The following RASSF4 variants were observed in gnomAD, a reference collection of about 807,000 sequenced individuals.
RASSF4 encodes the protein Ras association domain family member 4.
Under a neutral mutation model 41.1 loss-of-function variants are expected in RASSF4, and 38 were observed. That is an observed-to-expected ratio of 0.92 (90% CI 0.71 to 1.21). RASSF4 has a LOEUF of 1.21. Among genes scored for constraint, RASSF4 ranks in the 50% most tolerant of loss-of-function variants. RASSF4 has a pLI of 0.00. For missense variants in RASSF4, 414 were observed against 419.4 expected, an observed-to-expected ratio of 0.99 and a Z score of 0.11; for synonymous variants, 179 against 163.4, an observed-to-expected ratio of 1.10 and a Z score of -0.73.
rs775627286 is a variant in RASSF4 at position 44,977,891 on chromosome 10, A to G, written c.139-4630A>G. 5 of 1,612,478 alleles carry G rather than the reference A, an allele frequency of 3.1e-6. No individual in the cohort carries two copies. The Admixed American group carries it at 8.3e-5, about 27-fold the overall frequency. On this transcript the variant is annotated intron_variant, in intron 3 of 10. Coordinates refer to ENST00000340258, the MANE Select transcript of RASSF4 (RefSeq NM_032023.4). ...GTCCAGCACAGAGGTGGGCTGTGCC[A>G]GTCGAGATATAGACCTCACGTAGTC...
At chr10:44,993,003 G>A (rs537230489) in intron 10 of RASSF4, among the ~76,000 whole-genome samples, 15 of 152,296 alleles carry the variant, frequency 9.8e-5, no homozygotes, top group Admixed American at 2.0e-4. Flanking sequence ...CTGCTCTACC[G>A]CCCTGTCCAC....
intron 6 of RASSF4, among the ~76,000 whole-genome samples, chr10:44,986,735 G>C (rs1344874792): frequency 6.6e-6 from 1 of 152,166 alleles, no homozygotes; most frequent in Non-Finnish European, 1.5e-5. Flanking sequence ...TGAGTCAGAG[G>C]CAACAATTGA....
chr10:44,962,948 G>A lies in RASSF4; in HGVS notation c.-39+3082G>A, dbSNP rs1202427270. 2.0e-5 allele frequency among the ~76,000 whole-genome samples: 3 copies of A among 152,238 alleles called. No homozygotes were observed. In the East Asian group the frequency reaches 5.8e-4, roughly 29 times the overall value. ...CGATCTACATGGCTGCTCAGGGCCA[G>A]GCTCTCAGAGGAAGGGGAGCTGTAT... On this transcript the variant is annotated intron_variant, in intron 1 of 10. Transcript: ENST00000340258.
intron 2 of RASSF4, chr10:44,971,343 G>A (rs189422672): frequency 1.3e-5 from 5 of 378,136 alleles, no homozygotes; most frequent in East Asian, 7.3e-5. Context: ...CCTCAGGGTG[G>A]CCCGCAGCAG....
In RASSF4 at chr10:44,977,661, T is replaced by C. The variant is rs923106067; in HGVS notation, c.139-4860T>C. 8 of 1,612,942 alleles carry C rather than the reference T, an allele frequency of 5.0e-6. No individual in the cohort carries two copies. In the African/African-American group the frequency reaches 5.3e-5, roughly 11 times the overall value. ...AGGCCAGCAGAGGGGCCAGTCCTCC[T>C]TGGCAGGTCCCTCTGGCTTGGCTGC... On this transcript the variant is annotated intron_variant, in intron 3 of 10. Transcript: ENST00000340258.
At chr10:44,979,900 C>G (rs1212794442) in intron 3 of RASSF4, among the ~76,000 whole-genome samples, 4 of 152,076 alleles carry the variant, frequency 2.6e-5, no homozygotes, top group African/African-American at 7.2e-5. Flanking sequence ...CAAGGAGCAC[C>G]TGGGCAACAT....
At chr10:44,968,310 G>A (rs773295220) in intron 1 of RASSF4, among the ~76,000 whole-genome samples, 2 of 152,274 alleles carry the variant, frequency 1.3e-5, no homozygotes, top group East Asian at 1.9e-4. Flanking sequence ...ATGGGCAAGC[G>A]GAGGTGCCGA....
intron 1 of RASSF4, 129 bp downstream of exon 1, chr10:44,959,995 T>TC (rs1472668375): frequency 3.9e-5 from 6 of 152,288 alleles, no homozygotes; most frequent in African/African-American, 1.4e-4. Flanking sequence ...GCAGGGTCCC[T>TC]CCCCCGCCAG....
At chr10:44,971,700 C>T in intron 2 of RASSF4, 73 bp from the exon 3 acceptor site, 1 of 1,139,286 alleles carries the variant, frequency 8.8e-7, no homozygotes, top group Non-Finnish European at 1.3e-6. Flanking sequence ...GAAACAGAGG[C>T]CAGGGAAGCC....
At chr10:44,988,777 C>T (rs1842005669) in intron 6 of RASSF4, among the ~76,000 whole-genome samples, 2 of 152,178 alleles carry the variant, frequency 1.3e-5, no homozygotes, top group Admixed American at 6.5e-5. Flanking sequence ...TTTAGAAGTC[C>T]GTTCCTGTAG....
chr10:44,984,788 A>G, intron 5 of RASSF4, 25 bp from the exon 6 acceptor site: 1 of 1,610,966 alleles, frequency 6.2e-7, no homozygotes, highest in Non-Finnish European at 8.5e-7. Flanking sequence ...CCACCCTGCC[A>G]TTCTCTCACC....
At position 44,965,613 on chromosome 10, in the gene RASSF4, G is replaced by T. The variant is rs114431138; in HGVS notation, c.-38-4552G>T. On this transcript the variant is annotated intron_variant, in intron 1 of 10. Transcript: ENST00000340258. ...AGAGACTCTCTTTGTGTGGAGCCAA[G>T]GTTCCCACCCTGTAAGGCTCAGGAC... 4.7e-3 allele frequency among the ~76,000 whole-genome samples: 721 copies of T among 152,318 alleles called. 5 individuals are homozygous for T. The highest frequency in any genetic ancestry group is 0.016 in the African/African-American group (664 of 41,556).
intron 5 of RASSF4, 108 bp downstream of exon 5, chr10:44,984,221 A>G (rs1841831934): frequency 1.8e-6 from 2 of 1,124,988 alleles, no homozygotes; most frequent in Non-Finnish European, 2.5e-6. Context: ...GCCCCAGCCA[A>G]CGAGGGGCTT....
chr10:44,975,180 A>C (rs1265450577), intron 3 of RASSF4, among the ~76,000 whole-genome samples: 2 of 152,134 alleles, frequency 1.3e-5, no homozygotes, highest in South Asian at 4.1e-4. Flanking sequence ...ACCCCTCAGC[A>C]ATGAGAGAAA....
At chr10:44,972,829 G>C (rs1483480982) in intron 3 of RASSF4, among the ~76,000 whole-genome samples, 4 of 152,196 alleles carry the variant, frequency 2.6e-5, no homozygotes, top group Non-Finnish European at 5.9e-5. Context: ...TGGCTCACTA[G>C]TCCTAGTCCT....
At chr10:44,983,938 CA>C (rs1166955734) in intron 4 of RASSF4, 83 bp from the exon 5 acceptor site, 2 of 1,549,656 alleles carry the variant, frequency 1.3e-6, no homozygotes, top group Admixed American at 3.9e-5. Flanking sequence ...TGTCCTACCC[CA>C]GGGGCTGCTG....
chr10:44,973,946 C>G (rs747426317), intron 3 of RASSF4, among the ~76,000 whole-genome samples: 2 of 152,252 alleles, frequency 1.3e-5, no homozygotes, highest in Non-Finnish European at 2.9e-5. Context: ...AAGGGTTTGA[C>G]CCGGTCTCCA....
rs747809796 is a variant in RASSF4 at position 44,989,339 on chromosome 10, C to T, written c.597C>T (p.Thr199=). ...TGAGGGTCAACAGCACCATGACAACCCTGCAGGTGCTCACCCTGCTGCTGA... is the reference window on the plus strand; with the variant it reads ...TGAGGGTCAACAGCACCATGACAACTCTGCAGGTGCTCACCCTGCTGCTGA... ...TNVRVNSTMT[T]LQVLTLLLNK... is the part of the protein sequence containing the mutation. The change falls in exon 7 of 11, where the codon ACC becomes ACT. Residue 199 remains threonine, a synonymous_variant. Coordinates refer to ENST00000340258, the MANE Select transcript of RASSF4 (RefSeq NM_032023.4). 5 of 1,613,730 alleles carry T rather than the reference C, an allele frequency of 3.1e-6. No homozygotes were observed. The African/African-American group carries it at 5.3e-5, about 17-fold the overall frequency.
chr10:44,962,139 T>C (rs574948030), intron 1 of RASSF4, among the ~76,000 whole-genome samples: 1 of 152,322 alleles, frequency 6.6e-6, no homozygotes, highest in South Asian at 2.1e-4. Flanking sequence ...CCACAACAGC[T>C]CTGGCTAAAC....
Sources: gnomAD v4.1 joint callset for allele counts (sites outside exome capture counted in the v4.1 genomes callset) on GRCh38, gnomAD v4.1.1 for gene constraint, MANE v1.5 for transcripts, NCBI Gene and HGNC (gene_info 2026-07-23, HGNC 2026-07-21) for gene names.